CDH11: variants seen among roughly 807,000 people sequenced by gnomAD.
CDH11 encodes the protein cadherin 11.
Under a neutral mutation model 67.8 loss-of-function variants are expected in CDH11, and 11 were observed. That is an observed-to-expected ratio of 0.16 (90% CI 0.10 to 0.27). The LOEUF is 0.27. CDH11 is among the 10% of genes least tolerant of loss of function. CDH11 has a pLI of 1.00. For missense variants in CDH11, 847 were observed against 1,031.2 expected, an observed-to-expected ratio of 0.82 and a Z score of 2.45; for synonymous variants, 419 against 400.0, an observed-to-expected ratio of 1.05 and a Z score of -0.57.
At chr16:65,039,011 G>A (rs1185409485) in intron 2 of CDH11, among the ~76,000 whole-genome samples, 1 of 152,064 alleles carries the variant, frequency 6.6e-6, no homozygotes, top group East Asian at 1.9e-4. Flanking sequence ...TCTTTTTTGG[G>A]CACCAGAAGA....
intron 1 of CDH11, among the ~76,000 whole-genome samples, chr16:65,105,305 G>A (rs1027819621): frequency 2.0e-5 from 3 of 152,176 alleles, no homozygotes; most frequent in South Asian, 2.1e-4. Flanking sequence ...AATATAGAGG[G>A]AGACTGGGAA....
chr16:64,954,696 A>G (rs1319504054), intron 11 of CDH11, among the ~76,000 whole-genome samples: 1 of 152,144 alleles, frequency 6.6e-6, no homozygotes, highest in Non-Finnish European at 1.5e-5. Flanking sequence ...CTTTAGATCC[A>G]GGTTGTTCCA....
At chr16:64,950,617 C>G (rs2071331681) in intron 12 of CDH11, 150 bp downstream of exon 12, 1 of 831,732 alleles carries the variant, frequency 1.2e-6, no homozygotes. Context: ...ACAACGCCCA[C>G]CCCGCCCCCG....
At chr16:65,054,428 C>G (rs184636281) in intron 1 of CDH11, among the ~76,000 whole-genome samples, 4 of 152,128 alleles carry the variant, frequency 2.6e-5, no homozygotes, top group Admixed American at 1.3e-4. Flanking sequence ...GAGATACTAT[C>G]CCCACTCCAG....
intron 1 of CDH11, among the ~76,000 whole-genome samples, chr16:65,097,652 C>G (rs2074922865): frequency 6.8e-6 from 1 of 146,434 alleles, no homozygotes. Flanking sequence ...TTTTATTTTT[C>G]TAAAAATGTT....
At chr16:65,077,596 C>A (rs1229531026) in intron 1 of CDH11, among the ~76,000 whole-genome samples, 2 of 152,164 alleles carry the variant, frequency 1.3e-5, no homozygotes, top group African/African-American at 2.4e-5. Flanking sequence ...TTACCATGTA[C>A]CCTGTAGTCA....
intron 2 of CDH11, among the ~76,000 whole-genome samples, chr16:65,022,246 A>T (rs80028811): frequency 0.052 from 111 of 2,136 alleles, 1 homozygote; most frequent in South Asian, 0.39. Context: ...AACCAATTTA[A>T]AAAAAAAAAA....
chr16:64,987,340 T>C (rs2072512408), intron 7 of CDH11: 1 of 152,160 alleles, frequency 6.6e-6, no homozygotes, highest in African/African-American at 2.4e-5. Flanking sequence ...GAATTCCAGG[T>C]CGGCATGCCT....
intron 2 of CDH11, among the ~76,000 whole-genome samples, chr16:65,024,387 C>A (rs1391882460): frequency 1.3e-5 from 2 of 152,246 alleles, no homozygotes; most frequent in East Asian, 3.9e-4. Context: ...AATTCCATTA[C>A]CCAGGCCTTA....
At chr16:65,090,504 G>C (rs1241442988) in intron 1 of CDH11, among the ~76,000 whole-genome samples, 1 of 151,946 alleles carries the variant, frequency 6.6e-6, no homozygotes. Flanking sequence ...CTATAAATCA[G>C]CCATGTGACC....
chr16:64,957,362 A>T (rs1020932097), intron 11 of CDH11, among the ~76,000 whole-genome samples: 1 of 152,106 alleles, frequency 6.6e-6, no homozygotes, highest in Non-Finnish European at 1.5e-5. Context: ...CCAGGGAGGT[A>T]TTTTGTTCAC....
At chr16:65,093,342 C>T (rs907214763) in intron 1 of CDH11, among the ~76,000 whole-genome samples, 14 of 151,306 alleles carry the variant, frequency 9.3e-5, no homozygotes, top group Non-Finnish European at 1.9e-4. Context: ...GACTCCTAGG[C>T]ATGCAAACAA....
In CDH11 at chr16:64,957,650, A is replaced by AT. The variant is rs1193950916; in HGVS notation, c.1643-6633dup. On this transcript the variant is annotated intron_variant, in intron 11 of 12. Coordinates refer to ENST00000268603, the MANE Select transcript of CDH11 (RefSeq NM_001797.4). ...CACACACACCCATCCATATATATAT[A>AT]TATACATATATATACGCATAAATAA... 2.0e-5 allele frequency among the ~76,000 whole-genome samples: 3 copies of AT among 151,570 alleles called. No individual in the cohort carries two copies. The East Asian group carries it at 5.8e-4, about 29-fold the overall frequency.
At chr16:65,063,941 A>T (rs1428297844) in intron 1 of CDH11, among the ~76,000 whole-genome samples, 1 of 152,192 alleles carries the variant, frequency 6.6e-6, no homozygotes, top group African/African-American at 2.4e-5. Flanking sequence ...ACTTCAGGAA[A>T]CACAGAGCTA....
intron 7 of CDH11, chr16:64,985,946 T>C (rs1319082506): frequency 6.6e-6 from 1 of 151,826 alleles, no homozygotes; most frequent in Non-Finnish European, 1.5e-5. Flanking sequence ...CTCTGCCTCT[T>C]CAACTTTAGA....
chr16:64,998,247 C>T (rs1419301219), intron 4 of CDH11, among the ~76,000 whole-genome samples: 1 of 152,110 alleles, frequency 6.6e-6, no homozygotes, highest in African/African-American at 2.4e-5. Context: ...TTAATCATTG[C>T]AAAAGCTAAA....
At chr16:65,064,629 C>A (rs1268998762) in intron 1 of CDH11, among the ~76,000 whole-genome samples, 1 of 152,178 alleles carries the variant, frequency 6.6e-6, no homozygotes, top group East Asian at 1.9e-4. Context: ...CCTAAACAAA[C>A]CTTTTTTTAA....
At position 65,065,461 on chromosome 16, in the gene CDH11, CT is replaced by C. The variant is rs541992384; in HGVS notation, c.-297-11534del. On this transcript the variant is annotated intron_variant, in intron 1 of 12. Coordinates refer to ENST00000268603, the MANE Select transcript of CDH11 (RefSeq NM_001797.4). Reference sequence around the variant, plus strand: ...AAAGTCATATTAGTTGCAAGGGCTGCTTCACGAAAGGGACGGGGACACACGA... The same window carrying C: ...AAAGTCATATTAGTTGCAAGGGCTGCTCACGAAAGGGACGGGGACACACGA... 7.2e-5 allele frequency among the ~76,000 whole-genome samples: 11 copies of C among 152,284 alleles called. No individual in the cohort carries two copies. In the East Asian group the frequency reaches 2.1e-3, roughly 29 times the overall value.
chr16:65,044,578 CAGGGTCT>C (rs1399709110), intron 2 of CDH11, among the ~76,000 whole-genome samples: 3 of 152,090 alleles, frequency 2.0e-5, no homozygotes, highest in African/African-American at 7.2e-5. Flanking sequence ...AACTATCTCA[CAGGGTCT>C]AGGAGCCCCT....
Sources: gnomAD v4.1 joint callset for allele counts (sites outside exome capture counted in the v4.1 genomes callset) on GRCh38, gnomAD v4.1.1 for gene constraint, MANE v1.5 for transcripts, NCBI Gene and HGNC (gene_info 2026-07-23, HGNC 2026-07-21) for gene names.